The following SMOC2 variants were observed in gnomAD, a reference collection of about 807,000 sequenced individuals.
SMOC2 encodes SPARC related modular calcium binding 2.
Under a neutral mutation model 61.4 loss-of-function variants are expected in SMOC2, and 39 were observed. The observed-to-expected ratio is 0.64, with a 90% CI of 0.49 to 0.83. The LOEUF is 0.83. Among genes scored for constraint, SMOC2 ranks in the 40% least tolerant of loss-of-function variants. The probability of loss-of-function intolerance (pLI) is 0.00; values close to 1 mark genes in which losing one functional copy is unlikely to be tolerated. For synonymous variants in SMOC2, 247 were observed against 239.9 expected, an observed-to-expected ratio of 1.03 and a Z score of -0.27; for missense variants, 556 against 592.9, an observed-to-expected ratio of 0.94 and a Z score of 0.65.
chr6:168,519,898 T>G (rs1783288098), intron 2 of SMOC2, among the ~76,000 whole-genome samples: 1 of 152,272 alleles, frequency 6.6e-6, no homozygotes, highest in South Asian at 2.1e-4. Context: ...CTTAACTTTC[T>G]CTTTACAATT....
At chr6:168,651,045 T>A (rs2115273778) in intron 10 of SMOC2, among the ~76,000 whole-genome samples, 1 of 152,352 alleles carries the variant, frequency 6.6e-6, no homozygotes, top group East Asian at 1.9e-4. Context: ...GCTCTGACCC[T>A]GGCCCTTTTG....
intron 7 of SMOC2, among the ~76,000 whole-genome samples, chr6:168,554,246 A>C (rs1784194591): frequency 6.6e-6 from 1 of 152,270 alleles, no homozygotes; most frequent in African/African-American, 2.4e-5. Context: ...GGAGGACCAG[A>C]TAAGCCCCAT....
intron 1 of SMOC2, among the ~76,000 whole-genome samples, chr6:168,447,291 G>A (rs955522403): frequency 5.3e-5 from 8 of 151,920 alleles, no homozygotes; most frequent in African/African-American, 1.7e-4. Flanking sequence ...GGCTGGTCTC[G>A]AACTCCTGAG....
intron 11 of SMOC2, among the ~76,000 whole-genome samples, chr6:168,662,470 CA>C (rs1189581021): frequency 6.6e-6 from 1 of 152,202 alleles, no homozygotes; most frequent in Non-Finnish European, 1.5e-5. Flanking sequence ...CAGCAAGCCC[CA>C]GGGGTGGGGA....
chr6:168,519,172 T>C (rs1783259924), intron 2 of SMOC2, among the ~76,000 whole-genome samples: 1 of 151,240 alleles, frequency 6.6e-6, no homozygotes, highest in Non-Finnish European at 1.5e-5. Flanking sequence ...TGCGTGCATG[T>C]GTGAGTATGC....
chr6:168,461,288 C>T (rs1294553301), intron 1 of SMOC2, among the ~76,000 whole-genome samples: 1 of 152,116 alleles, frequency 6.6e-6, no homozygotes, highest in Non-Finnish European at 1.5e-5. Flanking sequence ...CCCACCAGGT[C>T]CCTCCCACAA....
At chr6:168,617,599 C>T (rs1354427761) in intron 9 of SMOC2, among the ~76,000 whole-genome samples, 1 of 152,226 alleles carries the variant, frequency 6.6e-6, no homozygotes, top group Non-Finnish European at 1.5e-5. Context: ...CTGCTCCAAG[C>T]TCTCTTGCAT....
At chr6:168,612,933 C>T (rs930040361) in intron 9 of SMOC2, among the ~76,000 whole-genome samples, 28 of 152,152 alleles carry the variant, frequency 1.8e-4, no homozygotes, top group African/African-American at 6.3e-4. Flanking sequence ...AAAGTGAAGT[C>T]AAAATAAGTG....
At chr6:168,486,135 G>A (rs1254669317) in intron 1 of SMOC2, among the ~76,000 whole-genome samples, 5 of 152,078 alleles carry the variant, frequency 3.3e-5, no homozygotes, top group African/African-American at 9.7e-5. Context: ...TAGTGTCCCT[G>A]GTTCAGCATG....
At chr6:168,583,279 G>T (rs569283146) in intron 7 of SMOC2, among the ~76,000 whole-genome samples, 15 of 150,842 alleles carry the variant, frequency 9.9e-5, no homozygotes, top group Non-Finnish European at 4.4e-5. Context: ...CTCCTTCCTG[G>T]CTCCAGTGGG....
At chr6:168,660,654 C>G (rs1787484990) in intron 11 of SMOC2, among the ~76,000 whole-genome samples, 1 of 152,200 alleles carries the variant, frequency 6.6e-6, no homozygotes, top group Admixed American at 6.5e-5. Context: ...CAGCACAGGT[C>G]TTGGGAAGAT....
At chr6:168,530,637 A>ACCCCCCCC (rs3064057) in intron 4 of SMOC2, among the ~76,000 whole-genome samples, 1,223 of 120,268 alleles carry the variant, frequency 0.01, 7 homozygotes, top group African/African-American at 0.025. Flanking sequence ...TCACGGTGCA[A>ACCCCCCCC]CCCCCCCCCC....
At chr6:168,649,149 C>G (rs1296621167) in intron 9 of SMOC2, among the ~76,000 whole-genome samples, 2 of 152,346 alleles carry the variant, frequency 1.3e-5, no homozygotes, top group East Asian at 3.9e-4. Context: ...AGGGGCCGTC[C>G]TCAGTCCCAC....
At chr6:168,517,156 T>C (rs979378666) in intron 2 of SMOC2, among the ~76,000 whole-genome samples, 3 of 152,238 alleles carry the variant, frequency 2.0e-5, no homozygotes, top group Non-Finnish European at 4.4e-5. Context: ...GAAAAGCTCC[T>C]TTCTTCAAGG....
At chr6:168,463,968 A>G (rs746097984) in intron 1 of SMOC2, among the ~76,000 whole-genome samples, 3 of 152,122 alleles carry the variant, frequency 2.0e-5, no homozygotes, top group Non-Finnish European at 4.4e-5. Context: ...AGGCAGGTGG[A>G]TCACTTAAGC....
intron 7 of SMOC2, among the ~76,000 whole-genome samples, chr6:168,590,376 C>T (rs1379531796): frequency 2.1e-5 from 2 of 93,628 alleles, no homozygotes; most frequent in African/African-American, 3.9e-5. Context: ...ACGGGGCAGC[C>T]GGTCTGGTGG....
At chr6:168,640,463 C>G (rs370018770) in intron 9 of SMOC2, among the ~76,000 whole-genome samples, 1 of 152,294 alleles carries the variant, frequency 6.6e-6, no homozygotes, top group Non-Finnish European at 1.5e-5. Flanking sequence ...ACTAGACTAA[C>G]CCCTCTGCAG....
At chr6:168,447,991 T>C (rs544244364) in intron 1 of SMOC2, among the ~76,000 whole-genome samples, 2 of 152,304 alleles carry the variant, frequency 1.3e-5, no homozygotes, top group African/African-American at 4.8e-5. Context: ...TGATTTCTTC[T>C]TGGGATTAGG....
At chr6:168,549,261 T>TG in intron 7 of SMOC2, 58 bp downstream of exon 7, 1 of 1,544,750 alleles carries the variant, frequency 6.5e-7, no homozygotes, top group Admixed American at 1.7e-5. Flanking sequence ...TAGAAAATGA[T>TG]GGGGTTTTTT....
Sources: allele counts gnomAD v4.1 joint callset (sites outside exome capture counted in the v4.1 genomes callset), GRCh38; gene constraint gnomAD v4.1.1; transcripts MANE v1.5; gene names NCBI Gene and HGNC (gene_info 2026-07-23, HGNC 2026-07-21).